SPAG16: variants seen among roughly 807,000 people sequenced by gnomAD.
SPAG16 encodes the protein sperm associated antigen 16, also known as sperm-associated antigen 16 protein.
In SPAG16, 86 loss-of-function variants were observed where a neutral mutation model predicts 80.4. The observed-to-expected ratio is 1.07, with a 90% CI of 0.90 to 1.28. SPAG16 has a LOEUF of 1.28. Ranked by LOEUF, SPAG16 falls within the 50% of genes most tolerant of loss-of-function variation. SPAG16 has a pLI of 0.00. For missense variants in SPAG16, 870 were observed against 765.3 expected, an observed-to-expected ratio of 1.14 and a Z score of -1.61; for synonymous variants, 294 against 265.9, an observed-to-expected ratio of 1.11 and a Z score of -1.03.
At chr2:213,840,565 A>G (rs181813548) in intron 10 of SPAG16, among the ~76,000 whole-genome samples, 3 of 152,346 alleles carry the variant, frequency 2.0e-5, no homozygotes, top group Admixed American at 2.0e-4. Flanking sequence ...AAATCCTTTC[A>G]AGGTAGAGTA....
At chr2:213,292,204 T>A (rs940300676) in intron 1 of SPAG16, among the ~76,000 whole-genome samples, 9 of 152,212 alleles carry the variant, frequency 5.9e-5, no homozygotes, top group Non-Finnish European at 1.2e-4. Context: ...TTTGAAATTA[T>A]TATGATGTGA....
intron 12 of SPAG16, among the ~76,000 whole-genome samples, chr2:213,973,436 A>G (rs2045191199): frequency 6.6e-6 from 1 of 152,000 alleles, no homozygotes; most frequent in South Asian, 2.1e-4. Flanking sequence ...GTCAGCCCTC[A>G]GGTAGCACCC....
chr2:213,769,253 A>G (rs1057294875), intron 10 of SPAG16, among the ~76,000 whole-genome samples: 6 of 151,754 alleles, frequency 4.0e-5, no homozygotes, highest in Admixed American at 1.3e-4. Flanking sequence ...ATCTTGAGGA[A>G]TTTCTCCTCC....
chr2:213,642,557 A>G (rs2062631374), intron 10 of SPAG16, among the ~76,000 whole-genome samples: 1 of 151,804 alleles, frequency 6.6e-6, no homozygotes. Context: ...AGTGGGCACC[A>G]TCTAATCAGC....
At chr2:214,280,957 C>T (rs987354701) in intron 15 of SPAG16, 35 of 447,818 alleles carry the variant, frequency 7.8e-5, no homozygotes, top group Middle Eastern at 1.6e-3. Flanking sequence ...GCATTAAATT[C>T]CTTGCTTTCA....
chr2:213,284,673 G>A (rs1435254962), intron 1 of SPAG16, 54 bp downstream of exon 1: 1 of 1,558,392 alleles, frequency 6.4e-7, no homozygotes, highest in East Asian at 2.3e-5. Flanking sequence ...TGGGTGTTGG[G>A]ACGAAGGCGA....
rs1212117937 is a variant in SPAG16 at position 214,012,280 on chromosome 2, A to T, written c.1401-1671A>T. Reference sequence around the variant, plus strand: ...CTTACATATATATATATATATATATATATATATATTTTTTTTTTTTTTTTT... The same window carrying T: ...CTTACATATATATATATATATATATTTATATATATTTTTTTTTTTTTTTTT... On this transcript the variant is annotated intron_variant, in intron 12 of 15. Transcript: ENST00000331683. Among the ~76,000 whole-genome samples, 184 of 46,296 alleles carry T rather than the reference A, an allele frequency of 4.0e-3. 3 individuals carry two copies. The highest frequency in any genetic ancestry group is 0.014 in the African/African-American group (127 of 9,354). The allele number at this position is 46,296 out of a possible 152,430, so 30.4% of individuals were successfully genotyped here. A position where few individuals can be genotyped will look rare whatever the true frequency, so the allele number is the denominator to read the frequency against.
intron 12 of SPAG16, among the ~76,000 whole-genome samples, chr2:213,965,149 G>A (rs2044645383): frequency 6.6e-6 from 1 of 152,158 alleles, no homozygotes. Flanking sequence ...TCCACAGTGT[G>A]TAGCCTCTGA....
At chr2:214,077,882 G>C (rs1366491443) in intron 13 of SPAG16, among the ~76,000 whole-genome samples, 2 of 152,222 alleles carry the variant, frequency 1.3e-5, no homozygotes, top group African/African-American at 2.4e-5. Context: ...GCAACTTGCT[G>C]TTCCTTTTGT....
At chr2:214,059,988 T>C (rs2050172126) in intron 13 of SPAG16, among the ~76,000 whole-genome samples, 1 of 152,120 alleles carries the variant, frequency 6.6e-6, no homozygotes, top group Non-Finnish European at 1.5e-5. Flanking sequence ...GTAAGAGCCC[T>C]GTATCACTCA....
At chr2:213,879,593 G>A (rs1300300886) in intron 11 of SPAG16, among the ~76,000 whole-genome samples, 2 of 152,110 alleles carry the variant, frequency 1.3e-5, no homozygotes, top group East Asian at 1.9e-4. Flanking sequence ...GGTTGTGAGT[G>A]TAGTACAGAA....
At chr2:213,546,179 A>T (rs925686666) in intron 10 of SPAG16, among the ~76,000 whole-genome samples, 3 of 152,144 alleles carry the variant, frequency 2.0e-5, no homozygotes, top group Admixed American at 2.0e-4. Flanking sequence ...ACTTTAATTT[A>T]CATGATTTTT....
intron 15 of SPAG16, among the ~76,000 whole-genome samples, chr2:214,390,340 T>TAA (rs1559265384): frequency 0.023 from 3,041 of 129,604 alleles, 104 homozygotes; most frequent in African/African-American, 0.093. Context: ...GCTTTTTTTT[T>TAA]TAAAAAAAAA....
intron 11 of SPAG16, among the ~76,000 whole-genome samples, chr2:213,886,320 A>T (rs1196432421): frequency 6.6e-6 from 1 of 152,122 alleles, no homozygotes; most frequent in African/African-American, 2.4e-5. Flanking sequence ...TCCATGGGGA[A>T]CGGATATTCA....
chr2:213,333,461 C>G (rs564533700), intron 5 of SPAG16, among the ~76,000 whole-genome samples: 1 of 152,156 alleles, frequency 6.6e-6, no homozygotes, highest in Non-Finnish European at 1.5e-5. Context: ...TGACCCCTAT[C>G]AAAATACCCA....
chr2:213,350,309 T>G (rs1485961662), intron 6 of SPAG16, among the ~76,000 whole-genome samples: 2 of 152,220 alleles, frequency 1.3e-5, no homozygotes, highest in Admixed American at 1.3e-4. Context: ...GAGAACTAGT[T>G]AAGACGTGAT....
chr2:213,932,165 TATATATATATATATATATATATATA>T (rs1559602349), intron 12 of SPAG16, among the ~76,000 whole-genome samples: 5 of 17,486 alleles, frequency 2.9e-4, no homozygotes, highest in Admixed American at 1.4e-3. Flanking sequence ...TATATATATA[TATATATATATATATATATATATATA>T]TATATATATT....
At chr2:213,898,302 A>T (rs771820447) in intron 11 of SPAG16, among the ~76,000 whole-genome samples, 24 of 152,214 alleles carry the variant, frequency 1.6e-4, no homozygotes, top group Admixed American at 9.2e-4. Context: ...CTTGATTTGT[A>T]TACCTAAAAT....
chr2:214,210,525 C>T (rs555152410), intron 15 of SPAG16, among the ~76,000 whole-genome samples: 1 of 152,098 alleles, frequency 6.6e-6, no homozygotes, highest in Admixed American at 6.5e-5. Flanking sequence ...TTTTCTATTT[C>T]CTGGGGGTTT....
Sources: gnomAD v4.1 joint callset for allele counts (sites outside exome capture counted in the v4.1 genomes callset) on GRCh38, gnomAD v4.1.1 for gene constraint, MANE v1.5 for transcripts, NCBI Gene and HGNC (gene_info 2026-07-23, HGNC 2026-07-21) for gene names.